MKI67: variants seen among roughly 807,000 people sequenced by gnomAD.
The protein encoded by MKI67 is proliferation marker protein Ki-67.
MKI67 carries 152 observed loss-of-function variants against 233.5 expected under a neutral mutation model. That is an observed-to-expected ratio of 0.65 (90% confidence interval 0.57 to 0.74). MKI67 has a LOEUF of 0.74. Among genes scored for constraint, MKI67 ranks in the 30% least tolerant of loss-of-function variants. The pLI, the probability that MKI67 is intolerant of heterozygous loss-of-function variation, is 0.00. For missense variants in MKI67, 3,940 were observed against 3,885.2 expected (o/e 1.01, Z -0.37); for synonymous variants, 1,465 against 1,418.5 (o/e 1.03, Z -0.74).
chr10:128,107,696 CTG>C lies in MKI67; in HGVS notation c.4142_4143del (p.Ala1381GlyfsTer41). The C allele has an allele frequency of 6.2e-7, 1 of 1,613,840 alleles. No individual in the cohort carries two copies. Among genetic ancestry groups the C allele is most frequent in the Non-Finnish European group, 8.5e-7 (1 of 1,180,000 alleles). On this transcript the variant is annotated frameshift_variant, in exon 13 of 15. Transcript: ENST00000368654. LOFTEE classifies it high-confidence loss of function. ...TGCCTTCTTGTGCTTGTTGGGGTGT[CTG>C]CTGATTCTGGTGGAGAAGATTCGCA... ...MPCESSPPESADTPTSTRRQP... is the reference protein window; with the variant it reads ...MPCESSPPESXDTPTSTRRQP...
At chr10:128,110,650 A>T in intron 11 of MKI67, 117 bp from the exon 12 acceptor site, 1 of 686,090 alleles carries the variant, frequency 1.5e-6, no homozygotes, top group South Asian at 3.1e-5. Flanking sequence ...CCTCCCTTGA[A>T]ATCCTGGTAC....
chr10:128,103,143 A>G lies in MKI67; in HGVS notation c.8697T>C (p.Ile2899=). ...AKRKLDAEDV[I]GSRRQPRAPK... Reference sequence around the variant, plus strand: ...GTGCTCTTGGCTGTCTCCTGCTGCCAATTACATCTTCTGCGTCCAGCTTCC... The same window carrying G: ...GTGCTCTTGGCTGTCTCCTGCTGCCGATTACATCTTCTGCGTCCAGCTTCC... The change falls in exon 13 of 15, where the codon ATT becomes ATC. Residue 2899 remains isoleucine, a synonymous_variant. Transcript: ENST00000368654. 6.2e-7 allele frequency: 1 copy of G among 1,613,740 alleles called. No individual in the cohort carries two copies. Among genetic ancestry groups the G allele is most frequent in the Non-Finnish European group, 8.5e-7 (1 of 1,179,914 alleles).
chr10:128,124,227 A>T (rs1218897517), intron 2 of MKI67, among the ~76,000 whole-genome samples: 2 of 152,226 alleles, frequency 1.3e-5, no homozygotes, highest in Non-Finnish European at 2.9e-5. Context: ...CCCCAATAAA[A>T]TAATTTGATT....
At position 128,104,374 on chromosome 10, in the gene MKI67, A is replaced by G; in HGVS notation, c.7466T>C (p.Val2489Ala). Residue 2489 changes from valine (V) to alanine (A), a missense_variant, in exon 13 of 15, where the codon GTG (valine) becomes GCG (alanine). Val to Ala is a moderately conservative substitution (Grantham distance 64). Coordinates refer to ENST00000368654, the MANE Select transcript of MKI67 (RefSeq NM_002417.5). ...TGCTAGGGGCTCTTCTTTCATGTCC[A>G]CTTTCACCAGGGGTATCTTGAGCCT... ...KQRLKIPLVKVDMKEEPLAVS... is the reference protein window; with the variant it reads ...KQRLKIPLVKADMKEEPLAVS... 2 of 1,614,024 alleles carry G rather than the reference A, an allele frequency of 1.2e-6. No individual in the cohort carries two copies. The highest frequency in any genetic ancestry group is 1.7e-6 in the Non-Finnish European group (2 of 1,180,016).
At position 128,115,656 on chromosome 10, in the gene MKI67, T is replaced by C. The variant is rs1451432200; in HGVS notation, c.752A>G (p.Lys251Arg). 1.9e-6 allele frequency: 3 copies of C among 1,613,564 alleles called. No homozygotes were observed. In the East Asian group the frequency reaches 6.7e-5, roughly 36 times the overall value. ...YESVKKELDV[K>R]SQKENVLQYC... ...CTGTAGGACATTTTCTTTTTGTGAT[T>C]TTACATCCAACTCTTTCTTCACTGA... The change falls in exon 7 of 15, where the codon AAA becomes AGA. Residue 251 changes from lysine to arginine, a missense_variant. Lys to Arg is a conservative substitution (Grantham distance 26). Coordinates refer to ENST00000368654, the MANE Select transcript of MKI67 (RefSeq NM_002417.5).
intron 4 of MKI67, among the ~76,000 whole-genome samples, chr10:128,119,597 A>AT (rs908691459): frequency 6.6e-6 from 1 of 152,350 alleles, no homozygotes; most frequent in African/African-American, 2.4e-5. Flanking sequence ...ATTTGACAAT[A>AT]TTACCAAGCA....
At chr10:128,112,929 C>T (rs533756326) in intron 8 of MKI67, among the ~76,000 whole-genome samples, 41 of 152,294 alleles carry the variant, frequency 2.7e-4, no homozygotes, top group African/African-American at 9.6e-4. Flanking sequence ...GTGTGAAACC[C>T]AGGAAGGACA....
chr10:128,097,440 G>T lies in MKI67; in HGVS notation c.*1750C>A, dbSNP rs1340879678. On this transcript the variant is annotated 3_prime_UTR_variant, in exon 15 of 15. Coordinates refer to ENST00000368654, the MANE Select transcript of MKI67 (RefSeq NM_002417.5). ...TACTGTACTTACCAGGGTGAGAAAA[G>T]GTGCTGACATACTTCAGCAAGATTT... 1 of 152,082 alleles carries T rather than the reference G, an allele frequency of 6.6e-6. No homozygotes were observed. The highest frequency in any genetic ancestry group is 1.5e-5 in the Non-Finnish European group (1 of 68,010). 9.4% of individuals were successfully genotyped at this position (152,082 alleles called of 1,614,324 possible). A position where few individuals can be genotyped will look rare whatever the true frequency, so the allele number is the denominator to read the frequency against.
Position 128,119,384 on chromosome 10 carries a change from A to C in MKI67, c.288-65T>G, listed in dbSNP as rs1270703967. On this transcript the variant is annotated intron_variant, in intron 4 of 14. Transcript: ENST00000368654. ...TATACCCTGGGGCGGAAGTCTCCAT[A>C]TCCACTTAATGTCCAAGGATCAACG... 3 of 1,083,720 alleles carry C rather than the reference A, an allele frequency of 2.8e-6. No homozygotes were observed. In the Admixed American group the frequency reaches 5.6e-5, roughly 20 times the overall value. 67.1% of individuals were successfully genotyped at this position (1,083,720 alleles called of 1,614,324 possible).
At chr10:128,116,354 C>T in intron 6 of MKI67, 137 bp downstream of exon 6, 1 of 784,506 alleles carries the variant, frequency 1.3e-6, no homozygotes, top group African/African-American at 1.7e-5. Context: ...CTGTCGTTGA[C>T]ATGTTAAATG....
In MKI67 at chr10:128,108,376, T is replaced by C. The variant is rs892348042; in HGVS notation, c.3464A>G (p.Asp1155Gly). 6.2e-7 allele frequency: 1 copy of C among 1,614,158 alleles called. No individual in the cohort carries two copies. The highest frequency in any genetic ancestry group is 1.1e-5 in the South Asian group (1 of 91,084). Residue 1155 changes from aspartate to glycine, a missense_variant, in exon 13 of 15, where the codon GAT becomes GGT. Transcript: ENST00000368654. ...QWPKRSLRKA[D>G]VEEEFLALRK... ...GAGTGCTAAGAATTCTTCCTCTACATCTGCTTTCCTGAGACTTCTCTTAGG... is the reference window on the plus strand; with the variant it reads ...GAGTGCTAAGAATTCTTCCTCTACACCTGCTTTCCTGAGACTTCTCTTAGG...
In MKI67 at chr10:128,101,552, A is replaced by G; in HGVS notation, c.9411T>C (p.Asp3137=). The change falls in exon 14 of 15, where the codon GAT becomes GAC. Residue 3137 remains aspartate (D), a synonymous_variant. Coordinates refer to ENST00000368654, the MANE Select transcript of MKI67 (RefSeq NM_002417.5). ...TAGGTATGGGTTTCCGGGCTCCATC[A>G]TCTGGATTCTGAATGTCCATCTCTG... ...TSPEMDIQNP[D]DGARKPIPRD... is the part of the protein sequence containing the mutation. 6.2e-7 allele frequency: 1 copy of G among 1,614,208 alleles called. No individual in the cohort carries two copies. Among genetic ancestry groups the G allele is most frequent in the Non-Finnish European group, 8.5e-7 (1 of 1,180,046 alleles).
At position 128,107,416 on chromosome 10, in the gene MKI67, T is replaced by C. The variant is rs760776727; in HGVS notation, c.4424A>G (p.Gln1475Arg). The part of the protein sequence containing the change: ...EDLAGLKELF[Q>R]TPVCTDKPTT... The stretch of plus-strand genomic sequence containing the variant: ...GGGCTTGTCAGTGCATACTGGTGTC[T>C]GGAAGAGCTCTTTCAAGCCAGCCAG... Residue 1475 changes from glutamine (Q) to arginine (R), a missense_variant, in exon 13 of 15, where the codon CAG becomes CGG. Coordinates refer to ENST00000368654, the MANE Select transcript of MKI67 (RefSeq NM_002417.5). 3.1e-6 allele frequency: 5 copies of C among 1,613,966 alleles called. No individual in the cohort carries two copies. The highest frequency in any genetic ancestry group is 1.6e-4 in the Middle Eastern group (1 of 6,084).
At position 128,101,659 on chromosome 10, in the gene MKI67, C is replaced by A; in HGVS notation, c.9304G>T (p.Glu3102Ter). 1 of 1,609,348 alleles carries A rather than the reference C, an allele frequency of 6.2e-7. No individual in the cohort carries two copies. The highest frequency in any genetic ancestry group is 8.5e-7 in the Non-Finnish European group (1 of 1,178,650). The change falls in exon 14 of 15, where the codon GAA (glutamate) becomes TAA (stop). Residue 3102 changes from glutamate (E) to a stop codon, truncating the protein, a stop_gained. Transcript: ENST00000368654. LOFTEE classifies it high-confidence loss of function. ...RSRRQNKTEA[E>*]QQITEVFVLA... ...ACAAAGACCTCAGTTATTTGCTGTT[C>A]TGCCTCAGTCTTATTTTGGCGTCTG...
chr10:128,107,094 G>A lies in MKI67; in HGVS notation c.4746C>T (p.Ala1582=). Reference sequence around the variant, plus strand: ...AGCCAGCCAGGTCTTCTAGAGCCTGGGCCTTTTCCTTAGGAGTTTGTAGCC... The same window carrying A: ...AGCCAGCCAGGTCTTCTAGAGCCTGAGCCTTTTCCTTAGGAGTTTGTAGCC... The part of the protein sequence containing the change: ...KRRLQTPKEK[A]QALEDLAGFK... The change falls in exon 13 of 15, where the codon GCC becomes GCT. Residue 1582 remains alanine (A), a synonymous_variant. Coordinates refer to ENST00000368654, the MANE Select transcript of MKI67 (RefSeq NM_002417.5). The A allele has an allele frequency of 6.2e-7, 1 of 1,613,690 alleles. No individual in the cohort carries two copies. The highest frequency in any genetic ancestry group is 8.5e-7 in the Non-Finnish European group (1 of 1,179,938).
chr10:128,111,886 A>T, intron 10 of MKI67, 41 bp downstream of exon 10: 1 of 1,605,626 alleles, frequency 6.2e-7, no homozygotes, highest in Non-Finnish European at 8.5e-7. Context: ...AGCTTCGATG[A>T]CACCGGTATG....
At position 128,113,592 on chromosome 10, in the gene MKI67, C is replaced by T. The variant is rs11016076; in HGVS notation, c.1491G>A (p.Glu497=). 1 of 1,613,760 alleles carries T rather than the reference C, an allele frequency of 6.2e-7. No homozygotes were observed. Among genetic ancestry groups the T allele is most frequent in the South Asian group, 1.1e-5 (1 of 91,082 alleles). ...CACGCCTTCTTTTCAAAGGTATTCC[C>T]TCACTCTCATCTAAAGTAACGGATA... ...NNFGDSINES[E]GIPLKRRRVS... The change falls in exon 8 of 15, where the codon GAG becomes GAA. Residue 497 remains glutamate, a synonymous_variant. Transcript: ENST00000368654.
intron 7 of MKI67, among the ~76,000 whole-genome samples, 177 bp from the exon 8 acceptor site, chr10:128,113,779 A>G (rs1852733682): frequency 6.6e-6 from 1 of 152,154 alleles, no homozygotes; most frequent in Admixed American, 6.5e-5. Context: ...TTCCTAAAGG[A>G]TTGCGGGAGT....
chr10:128,117,815 T>C (rs1442412829), intron 5 of MKI67, among the ~76,000 whole-genome samples: 1 of 152,224 alleles, frequency 6.6e-6, no homozygotes, highest in East Asian at 1.9e-4. Context: ...ACGATTACAT[T>C]CAATAGCCAC....
Sources: allele counts gnomAD v4.1 joint callset (sites outside exome capture counted in the v4.1 genomes callset), GRCh38; gene constraint gnomAD v4.1.1; transcripts MANE v1.5; gene names NCBI Gene and HGNC (gene_info 2026-07-23, HGNC 2026-07-21).